The following OTUD6B variants were observed in gnomAD, a reference collection of about 807,000 sequenced individuals.
OTUD6B encodes deubiquitinase OTUD6B.
Under a neutral mutation model 36.9 loss-of-function variants are expected in OTUD6B, and 41 were observed. That is an observed-to-expected ratio of 1.11 (90% CI 0.87 to 1.44). The LOEUF is 1.44. OTUD6B is among the 40% of genes most tolerant of loss of function. The pLI, the probability that OTUD6B is intolerant of heterozygous loss-of-function variation, is 0.00. For synonymous variants in OTUD6B, 114 were observed against 114.2 expected (o/e 1.00, Z 0.01); for missense variants, 356 against 344.8 (o/e 1.03, Z -0.26).
chr8:91,082,896 A>G (rs1009652577), intron 5 of OTUD6B, among the ~76,000 whole-genome samples: 1 of 151,044 alleles, frequency 6.6e-6, no homozygotes, highest in Non-Finnish European at 1.5e-5. Context: ...TTTTGTAGAG[A>G]CATGGTTTTA....
At chr8:91,081,892 C>T (rs1812914363) in intron 5 of OTUD6B, among the ~76,000 whole-genome samples, 1 of 152,096 alleles carries the variant, frequency 6.6e-6, no homozygotes, top group African/African-American at 2.4e-5. Context: ...TTTGTTACTA[C>T]TACATTAGGA....
chr8:91,081,947 A>G (rs1473335939), intron 5 of OTUD6B, among the ~76,000 whole-genome samples: 2 of 152,194 alleles, frequency 1.3e-5, no homozygotes, highest in Non-Finnish European at 2.9e-5. Context: ...CATTCATATG[A>G]GTATTAGAGA....
chr8:91,077,701 TA>T (rs537403024), intron 3 of OTUD6B, among the ~76,000 whole-genome samples: 258 of 152,158 alleles, frequency 1.7e-3, no homozygotes, highest in Non-Finnish European at 3.0e-3. Context: ...ATTAAGAATT[TA>T]TACATATTTT....
chr8:91,084,787 T>C lies in OTUD6B; in HGVS notation c.801T>C (p.Tyr267=). The C allele has an allele frequency of 6.5e-7, 1 of 1,541,440 alleles. No individual in the cohort carries two copies. Among genetic ancestry groups the C allele is most frequent in the Non-Finnish European group, 8.8e-7 (1 of 1,139,362 alleles). ...TTCTTTTTTTTTTTAATTTCAGATA[T>C]ATGAGACATGCATATGGCTTAGGAG... ...EYSKKPLILV[Y]MRHAYGLGEH... Residue 267 remains tyrosine (Y), a synonymous_variant, in exon 7 of 7, where the codon TAT becomes TAC. Transcript: ENST00000404789.
At chr8:91,083,920 C>T (rs1250981068) in intron 5 of OTUD6B, 88 bp from the exon 6 acceptor site, 34 of 1,517,878 alleles carry the variant, frequency 2.2e-5, no homozygotes, top group Middle Eastern at 3.4e-4. Context: ...CACAGCGTAT[C>T]CCTGCTCTGA....
chr8:91,071,172 G>A lies in OTUD6B; in HGVS notation c.117G>A (p.Lys39=). ...KIQGMKNAVP[K]NDKKRRKQLT... ...AGGGCATGAAGAATGCTGTTCCCAA[G>A]AATGACAAGAAGAGGAGGAAGCAAC... The change falls in exon 2 of 7, where the codon AAG becomes AAA. Residue 39 remains lysine, a synonymous_variant. Coordinates refer to ENST00000404789, the MANE Select transcript of OTUD6B (RefSeq NM_016023.5). The A allele has an allele frequency of 1.9e-6, 3 of 1,613,576 alleles. No individual in the cohort carries two copies. Among genetic ancestry groups the A allele is most frequent in the Non-Finnish European group, 2.5e-6 (3 of 1,179,754 alleles).
chr8:91,071,101 C>T (rs748734487), intron 1 of OTUD6B, 37 bp from the exon 2 acceptor site: 2 of 1,606,836 alleles, frequency 1.2e-6, no homozygotes, highest in Non-Finnish European at 1.7e-6. Context: ...CCTTTTACTC[C>T]TGCGTGTCTG....
chr8:91,083,386 A>G (rs1331281993), intron 5 of OTUD6B, among the ~76,000 whole-genome samples: 1 of 152,152 alleles, frequency 6.6e-6, no homozygotes, highest in African/African-American at 2.4e-5. Context: ...GACTAGTATA[A>G]TATACCTAGT....
At position 91,084,115 on chromosome 8, in the gene OTUD6B, G is replaced by A. The variant is rs747009288; in HGVS notation, c.797+1G>A. ...ATTCAAAAAAACCACTAATACTTGT[G>A]TAAGTACCTAGACATTTTTACTGTT... On this transcript the variant is annotated splice_donor_variant, in intron 6 of 6. Transcript: ENST00000404789. LOFTEE classifies it high-confidence loss of function. 1.6e-5 allele frequency: 23 copies of A among 1,441,342 alleles called. No individual in the cohort carries two copies. Among genetic ancestry groups the A allele is most frequent in the Non-Finnish European group, 2.1e-5 (22 of 1,053,780 alleles). The allele number at this position is 1,441,342 out of a possible 1,614,324, so 89.3% of individuals were successfully genotyped here. A position where few individuals can be genotyped will look rare whatever the true frequency, so the allele number is the denominator to read the frequency against.
chr8:91,075,251 C>G (rs1188953620), intron 3 of OTUD6B, among the ~76,000 whole-genome samples: 3 of 151,884 alleles, frequency 2.0e-5, no homozygotes, highest in Non-Finnish European at 4.4e-5. Context: ...AAATTTAGAT[C>G]TCATGGAATC....
intron 2 of OTUD6B, among the ~76,000 whole-genome samples, chr8:91,071,824 A>G (rs1460311628): frequency 6.6e-6 from 1 of 152,192 alleles, no homozygotes; most frequent in Non-Finnish European, 1.5e-5. Flanking sequence ...TACTTGCCCA[A>G]AAGATGAAGC....
intron 5 of OTUD6B, among the ~76,000 whole-genome samples, chr8:91,082,347 C>T (rs1812921644): frequency 6.6e-6 from 1 of 151,864 alleles, no homozygotes; most frequent in African/African-American, 2.4e-5. Context: ...AGTACATATC[C>T]CATAGTGCCC....
intron 3 of OTUD6B, among the ~76,000 whole-genome samples, chr8:91,074,671 A>C (rs907666428): frequency 6.6e-6 from 1 of 152,124 alleles, no homozygotes; most frequent in Non-Finnish European, 1.5e-5. Flanking sequence ...AATTTGAAAA[A>C]GAAAAATGAT....
chr8:91,084,804 G>A lies in OTUD6B; in HGVS notation c.818G>A (p.Gly273Asp). 6.3e-7 allele frequency: 1 copy of A among 1,579,278 alleles called. No individual in the cohort carries two copies. Among genetic ancestry groups the A allele is most frequent in the Non-Finnish European group, 8.6e-7 (1 of 1,159,964 alleles). The stretch of plus-strand genomic sequence containing the variant: ...TTCAGATATATGAGACATGCATATG[G>A]CTTAGGAGAACATTATAATTCGGTT... Reference protein sequence around the residue: ...LILVYMRHAYGLGEHYNSVTR... With the variant: ...LILVYMRHAYDLGEHYNSVTR... The change falls in exon 7 of 7, where the codon GGC becomes GAC. Residue 273 changes from glycine (G) to aspartate (D), a missense_variant. Physicochemically the swap from Gly to Asp is moderately conservative, Grantham distance 94 (BLOSUM62 -1). Transcript: ENST00000404789.
intron 5 of OTUD6B, 91 bp downstream of exon 5, chr8:91,080,821 A>G (rs780824800): frequency 5.4e-5 from 49 of 903,086 alleles, no homozygotes; most frequent in Non-Finnish European, 3.8e-5. Context: ...GCTGATCCCA[A>G]TTTCTCTTTG....
rs1291229005 is a variant in OTUD6B, at chr8:91,087,020, A to G, written c.*2152A>G. 6.6e-6 allele frequency: 1 copy of G among 151,938 alleles called. No homozygotes were observed. The highest frequency in any genetic ancestry group is 2.1e-4 in the South Asian group (1 of 4,832). 9.4% of individuals were successfully genotyped at this position (151,938 alleles called of 1,614,324 possible). On this transcript the variant is annotated 3_prime_UTR_variant, in exon 7 of 7. Coordinates refer to ENST00000404789, the MANE Select transcript of OTUD6B (RefSeq NM_016023.5). ...AGCAAAAAAGAATGTGTGTAACTATAGTGAACGCATAGTTTTGCTTATATT... is the reference window on the plus strand; with the variant it reads ...AGCAAAAAAGAATGTGTGTAACTATGGTGAACGCATAGTTTTGCTTATATT...
At position 91,084,875 on chromosome 8, in the gene OTUD6B, C is replaced by A; in HGVS notation, c.*7C>A. 1.5e-6 allele frequency: 2 copies of A among 1,362,982 alleles called. No homozygotes were observed. Among genetic ancestry groups the A allele is most frequent in the East Asian group, 2.4e-5 (1 of 41,424 alleles). 84.4% of individuals were successfully genotyped at this position (1,362,982 alleles called of 1,614,324 possible). On this transcript the variant is annotated 3_prime_UTR_variant, in exon 7 of 7. Transcript: ENST00000404789. ...TACTGAAAATTGCAGCTAATTTATA[C>A]AATGTTGTACAATTATGTTTTAATA...
At chr8:91,078,220 C>T (rs1477753565) in intron 3 of OTUD6B, 136 bp from the exon 4 acceptor site, 6 of 1,429,100 alleles carry the variant, frequency 4.2e-6, no homozygotes, top group Non-Finnish European at 5.5e-6. Context: ...TTGAGATGAT[C>T]AATGTGATAG....
intron 4 of OTUD6B, chr8:91,079,266 A>G (rs907129331): frequency 1.3e-5 from 2 of 152,268 alleles, no homozygotes; most frequent in Middle Eastern, 3.4e-3. Flanking sequence ...TGGGGTAGTA[A>G]TGAATGGAAT....
Sources: allele counts gnomAD v4.1 joint callset (sites outside exome capture counted in the v4.1 genomes callset), GRCh38; gene constraint gnomAD v4.1.1; transcripts MANE v1.5; gene names NCBI Gene and HGNC (gene_info 2026-07-23, HGNC 2026-07-21).